The following NLGN1 variants were observed in gnomAD, a reference collection of about 807,000 sequenced individuals.
The protein encoded by NLGN1 is neuroligin 1, also known as neuroligin-1.
A neutral mutation model predicts 65.5 loss-of-function variants in NLGN1; 12 were observed. The ratio of observed to expected loss-of-function variants is 0.18; its 90% confidence interval spans 0.12 to 0.30. The LOEUF is 0.30. Ranked by LOEUF, NLGN1 falls within the 10% of genes least tolerant of loss-of-function variation. The pLI is 1.00. For synonymous variants in NLGN1, 350 were observed against 359.5 expected (o/e 0.97, Z 0.30); for missense variants, 750 against 1,007.1 (o/e 0.74, Z 3.46).
intron 4 of NLGN1, among the ~76,000 whole-genome samples, chr3:174,095,957 G>A (rs576330867): frequency 7.9e-5 from 12 of 151,886 alleles, no homozygotes; most frequent in South Asian, 6.2e-4. Context: ...CCAAGATCGC[G>A]CCACTGCACT....
At chr3:174,155,509 T>C (rs1347132583) in intron 4 of NLGN1, among the ~76,000 whole-genome samples, 3 of 151,856 alleles carry the variant, frequency 2.0e-5, no homozygotes, top group African/African-American at 7.2e-5. Context: ...ACTTGCAAAC[T>C]TTTCATTAGA....
chr3:173,833,020 A>G (rs1365324944), intron 4 of NLGN1, among the ~76,000 whole-genome samples: 1 of 147,550 alleles, frequency 6.8e-6, no homozygotes, highest in African/African-American at 2.5e-5. Context: ...ACAGGTGATA[A>G]ATATTTAGGC....
At chr3:173,478,394 G>A (rs553565225) in intron 2 of NLGN1, among the ~76,000 whole-genome samples, 15 of 152,142 alleles carry the variant, frequency 9.9e-5, no homozygotes, top group Admixed American at 2.6e-4. Flanking sequence ...ACATACTGGG[G>A]CCTGTAGGGA....
intron 3 of NLGN1, among the ~76,000 whole-genome samples, chr3:173,757,503 C>T (rs1159296166): frequency 6.6e-6 from 1 of 151,768 alleles, no homozygotes; most frequent in East Asian, 1.9e-4. Flanking sequence ...AACCACATAC[C>T]TTTAAAATGT....
At chr3:174,290,317 G>C (rs1239960266), downstream of NLGN1, among the ~76,000 whole-genome samples, 2 of 150,732 alleles carry the variant, frequency 1.3e-5, no homozygotes, top group Non-Finnish European at 3.0e-5. Context: ...CCCATAAACA[G>C]ATCTATGAAG....
intron 1 of NLGN1, among the ~76,000 whole-genome samples, chr3:173,415,658 G>A (rs753766100): frequency 3.9e-5 from 6 of 152,116 alleles, no homozygotes; most frequent in Non-Finnish European, 8.8e-5. Context: ...GTCAAAGTCT[G>A]AAAAGGCATT....
intron 2 of NLGN1, among the ~76,000 whole-genome samples, chr3:173,485,012 GAA>G (rs933584248): frequency 2.0e-5 from 3 of 147,352 alleles, no homozygotes; most frequent in Non-Finnish European, 4.4e-5. Context: ...ATTTTTGAAA[GAA>G]AGAGGTTTAT....
chr3:173,554,911 A>G (rs1471576888), intron 2 of NLGN1, among the ~76,000 whole-genome samples: 1 of 152,128 alleles, frequency 6.6e-6, no homozygotes, highest in Non-Finnish European at 1.5e-5. Context: ...TATCTTGCCA[A>G]TATTTGGTAT....
At chr3:173,521,194 CATATA>C (rs1734704777) in intron 2 of NLGN1, among the ~76,000 whole-genome samples, 1 of 152,104 alleles carries the variant, frequency 6.6e-6, no homozygotes, top group East Asian at 1.9e-4. Flanking sequence ...AGACAACATA[CATATA>C]ATATCCTCTA....
intron 4 of NLGN1, among the ~76,000 whole-genome samples, chr3:173,941,829 C>T (rs1746158757): frequency 6.6e-6 from 1 of 151,726 alleles, no homozygotes. Context: ...TAGATTTTAG[C>T]CTTTCCCATT....
intron 3 of NLGN1, among the ~76,000 whole-genome samples, chr3:173,791,109 G>T (rs1477107844): frequency 2.0e-5 from 3 of 152,170 alleles, no homozygotes; most frequent in Admixed American, 2.0e-4. Flanking sequence ...TCTGCATAGA[G>T]TACTGTGACT....
chr3:173,919,424 G>A (rs919255253), intron 4 of NLGN1, among the ~76,000 whole-genome samples: 1 of 152,100 alleles, frequency 6.6e-6, no homozygotes, highest in Non-Finnish European at 1.5e-5. Flanking sequence ...GAATCCATGT[G>A]AGATAATTTA....
chr3:173,870,368 A>G (rs544792014), intron 4 of NLGN1, among the ~76,000 whole-genome samples: 1 of 152,328 alleles, frequency 6.6e-6, no homozygotes, highest in South Asian at 2.1e-4. Flanking sequence ...GTGCTTAATG[A>G]CTAAGTGTTG....
At chr3:173,687,337 T>TA (rs745466843) in intron 3 of NLGN1, among the ~76,000 whole-genome samples, 2 of 152,236 alleles carry the variant, frequency 1.3e-5, no homozygotes, top group Non-Finnish European at 2.9e-5. Context: ...TTTAAAATGA[T>TA]ATAGACCTTA....
chr3:173,819,367 C>G (rs543480740), intron 4 of NLGN1, among the ~76,000 whole-genome samples: 1 of 152,162 alleles, frequency 6.6e-6, no homozygotes, highest in Non-Finnish European at 1.5e-5. Flanking sequence ...CTCCACATCT[C>G]TAAACGGTTC....
At chr3:173,469,669 G>T (rs1259638702) in intron 2 of NLGN1, among the ~76,000 whole-genome samples, 21 of 151,398 alleles carry the variant, frequency 1.4e-4, no homozygotes, top group Non-Finnish European at 2.9e-5. Context: ...TCACAATGGT[G>T]TGTAACCACC....
chr3:173,673,120 A>G (rs1379263436), intron 3 of NLGN1, among the ~76,000 whole-genome samples: 1 of 152,208 alleles, frequency 6.6e-6, no homozygotes, highest in Admixed American at 6.5e-5. Context: ...TTACATTATC[A>G]GCATCAATTT....
chr3:173,760,843 C>CT (rs1380233331), intron 3 of NLGN1, among the ~76,000 whole-genome samples: 1 of 152,006 alleles, frequency 6.6e-6, no homozygotes, highest in African/African-American at 2.4e-5. Context: ...ACTAAAATGT[C>CT]TAACTCATTA....
chr3:174,188,017 A>T (rs918989304), intron 4 of NLGN1, among the ~76,000 whole-genome samples: 3 of 152,058 alleles, frequency 2.0e-5, no homozygotes, highest in Non-Finnish European at 4.4e-5. Flanking sequence ...TCTAGTGCTT[A>T]CCCAATAGTA....
Sources: gnomAD v4.1 joint callset for allele counts (sites outside exome capture counted in the v4.1 genomes callset) on GRCh38, gnomAD v4.1.1 for gene constraint, MANE v1.5 for transcripts, NCBI Gene and HGNC (gene_info 2026-07-23, HGNC 2026-07-21) for gene names.